Variants in SHBG observed in about 807,000 individuals in gnomAD.
The protein encoded by SHBG is sex hormone binding globulin.
A neutral mutation model predicts 41.9 loss-of-function variants in SHBG; 37 were observed. The observed-to-expected ratio is 0.88, with a 90% confidence interval of 0.68 to 1.16. The LOEUF (loss-of-function observed/expected upper bound fraction) is 1.16. Ranked by LOEUF, SHBG falls within the 50% of genes most tolerant of loss-of-function variation. The probability of loss-of-function intolerance (pLI) is 0.00; values close to 1 mark genes in which losing one functional copy is unlikely to be tolerated. For missense variants in SHBG, 466 were observed against 499.9 expected (o/e 0.93, Z 0.65); for synonymous variants, 217 against 205.8 (o/e 1.05, Z -0.47).
At chr17:7,625,432 C>G (rs1414681635), upstream of SHBG, among the ~76,000 whole-genome samples, 1 of 151,370 alleles carries the variant, frequency 6.6e-6, no homozygotes, top group Non-Finnish European at 1.5e-5. Context: ...AAAAACTTAG[C>G]CGGGCGTGGT....
intron 1 of SHBG, among the ~76,000 whole-genome samples, chr17:7,622,780 A>C (rs2072121359): frequency 6.6e-6 from 1 of 151,310 alleles, no homozygotes; most frequent in South Asian, 2.1e-4. Context: ...CTGTAATCCC[A>C]GTACTTTGGG....
rs373309447 is a variant in SHBG, at chr17:7,632,850, G to A, written c.951G>A (p.Leu317=). Residue 317 remains leucine, a synonymous_variant, in exon 7 of 8, where the codon TTG becomes TTA. Transcript: ENST00000380450. ...AGCTGAGTATGTCCAGGGTGGTCTT[G>A]AGCCAAGGGTCGAAGATGAAGGCCC... is the stretch of plus-strand genomic sequence containing the variant. The part of the protein sequence containing the change: ...QLKLSMSRVV[L]SQGSKMKALA... The A allele has an allele frequency of 2.5e-6, 4 of 1,614,168 alleles. No individual in the cohort carries two copies. The highest frequency in any genetic ancestry group is 8.5e-7 in the Non-Finnish European group (1 of 1,180,026).
chr17:7,631,318 C>T lies in SHBG; in HGVS notation c.512C>T (p.Ala171Val), dbSNP rs751519873. 2.7e-5 allele frequency: 43 copies of T among 1,613,656 alleles called. No individual in the cohort carries two copies. The highest frequency in any genetic ancestry group is 3.3e-5 in the Non-Finnish European group (39 of 1,179,886). ...AAACGCCATCCCATCATGAGGATTG[C>T]GCTTGGGGGGCTGCTCTTCCCCGCT... Reference protein sequence around the residue: ...TSKRHPIMRIALGGLLFPASN... With the variant: ...TSKRHPIMRIVLGGLLFPASN... The change falls in exon 4 of 8, where the codon GCG becomes GTG. Residue 171 changes from alanine (A) to valine (V), a missense_variant. Transcript: ENST00000380450.
At chr17:7,614,680 G>A in intron 1 of SHBG, 1 of 359,220 alleles carries the variant, frequency 2.8e-6, no homozygotes, top group Non-Finnish European at 4.8e-6. Flanking sequence ...CGGCGGCCCT[G>A]CCACAGCCAA....
At chr17:7,621,186 G>A (rs67603370) in intron 1 of SHBG, among the ~76,000 whole-genome samples, 10,219 of 133,000 alleles carry the variant, frequency 0.077, 1,594 homozygotes, top group Non-Finnish European at 0.1. Flanking sequence ...CCAAGGTTGT[G>A]GATTTGATCG....
intron 1 of SHBG, among the ~76,000 whole-genome samples, chr17:7,615,212 C>T (rs1336267035): frequency 1.3e-5 from 2 of 151,972 alleles, no homozygotes; most frequent in African/African-American, 4.8e-5. Context: ...AGTCACACAG[C>T]GCTCAGGCCA....
At chr17:7,628,524 G>A (rs2150964804), upstream of SHBG, among the ~76,000 whole-genome samples, 1 of 151,820 alleles carries the variant, frequency 6.6e-6, no homozygotes, top group South Asian at 2.1e-4. Context: ...TCGGCTCACT[G>A]CAACCTCTCC....
intron 4 of SHBG, 44 bp from the exon 5 acceptor site, chr17:7,631,545 C>T: frequency 6.2e-7 from 1 of 1,610,408 alleles, no homozygotes; most frequent in East Asian, 2.2e-5. Flanking sequence ...GGCTCCGATG[C>T]CCTGATTTCT....
At chr17:7,625,210 A>C (rs1032828120), upstream of SHBG, among the ~76,000 whole-genome samples, 4 of 151,724 alleles carry the variant, frequency 2.6e-5, no homozygotes, top group Admixed American at 2.6e-4. Context: ...CGGCCTCCCA[A>C]ACTGCTGGGA....
upstream of SHBG, chr17:7,628,081 T>C (rs1456847882): frequency 8.6e-6 from 4 of 465,828 alleles, no homozygotes; most frequent in Non-Finnish European, 1.3e-5. Context: ...TCCCCCGCAG[T>C]GCTTTTTAAA....
chr17:7,615,109 C>T (rs976382750), intron 1 of SHBG, among the ~76,000 whole-genome samples: 2 of 152,130 alleles, frequency 1.3e-5, no homozygotes, highest in African/African-American at 4.8e-5. Context: ...GCCACCCCGT[C>T]TCTTCCTTTC....
chr17:7,617,973 C>T (rs951291413), intron 1 of SHBG, among the ~76,000 whole-genome samples: 3 of 152,114 alleles, frequency 2.0e-5, no homozygotes, highest in Non-Finnish European at 4.4e-5. Flanking sequence ...AATCCCAGCA[C>T]TTTGGGATGC....
At chr17:7,614,866 C>A (rs1597887196) in intron 1 of SHBG, 2 of 159,142 alleles carry the variant, frequency 1.3e-5, no homozygotes, top group Admixed American at 1.3e-4. Flanking sequence ...GCTCCACAGC[C>A]TCCACCTCCC....
Position 7,633,202 on chromosome 17 carries a change from A to C in SHBG, c.1061-2A>C. The C allele has an allele frequency of 6.2e-7, 1 of 1,614,166 alleles. No individual in the cohort carries two copies. Among genetic ancestry groups the C allele is most frequent in the Non-Finnish European group, 8.5e-7 (1 of 1,180,014 alleles). On this transcript the variant is annotated splice_acceptor_variant, in intron 7 of 7. Coordinates refer to ENST00000380450, the MANE Select transcript of SHBG (RefSeq NM_001040.5). LOFTEE classifies it high-confidence loss of function. ...TGCCACCTTTGCACTACCTCCCTCT[A>C]GGAGAAGACTCTTCCACCTCTTTTT...
At chr17:7,623,016 G>A (rs1344300037), upstream of SHBG, among the ~76,000 whole-genome samples, 9 of 147,844 alleles carry the variant, frequency 6.1e-5, no homozygotes, top group African/African-American at 1.0e-4. Context: ...CAGCCTAGGC[G>A]AAAGAGCGAG....
chr17:7,615,452 C>T (rs988098179), intron 1 of SHBG, among the ~76,000 whole-genome samples: 3 of 152,252 alleles, frequency 2.0e-5, no homozygotes, highest in Non-Finnish European at 2.9e-5. Flanking sequence ...ATCTGTAACT[C>T]TCTACTGTAG....
chr17:7,630,984 A>G lies in SHBG; in HGVS notation c.393+115A>G. On this transcript the variant is annotated intron_variant, in intron 3 of 7. Transcript: ENST00000380450. This position sits in a 1 kb window ranked among gnomAD's most constrained non-coding sequence, Gnocchi z 4.6. ...CTGTCATCTCGTTTAATCCACACGA[A>G]CCCCCACAAAGTAGCTATTCTTGGC... is the stretch of plus-strand genomic sequence containing the variant. 1.9e-6 allele frequency: 2 copies of G among 1,049,852 alleles called. No individual in the cohort carries two copies. Among genetic ancestry groups the G allele is most frequent in the Non-Finnish European group, 2.8e-6 (2 of 705,418 alleles). 65.0% of individuals were successfully genotyped at this position (1,049,852 alleles called of 1,614,324 possible). A position where few individuals can be genotyped will look rare whatever the true frequency, so the allele number is the denominator to read the frequency against.
Position 7,630,319 on chromosome 17 carries a change from T to G in SHBG, c.111+36T>G, listed in dbSNP as rs376913014. 31 of 1,588,830 alleles carry G rather than the reference T, an allele frequency of 2.0e-5. No individual in the cohort carries two copies. In the South Asian group the frequency reaches 2.5e-4, roughly 13 times the overall value. On this transcript the variant is annotated intron_variant, in intron 1 of 7. Coordinates refer to ENST00000380450, the MANE Select transcript of SHBG (RefSeq NM_001040.5). This position sits in a 1 kb window ranked among gnomAD's most constrained non-coding sequence, Gnocchi z 4.6. ...GGGACAGGGCACTCAGCTCATGCAG[T>G]CTTCCCTTCTCTCCTCTGGCCCTGT...
rs531874178 is a variant in SHBG, at chr17:7,615,523, G to A, written c.-62+1412G>A. On this transcript the variant is annotated intron_variant, in intron 1 of 5. Transcript: ENST00000570547. ...TTGTGATACAATGAAAGTTTTGGCCGGGCGCGGTGGCTCACGCCTGTAATC... is the reference window on the plus strand; with the variant it reads ...TTGTGATACAATGAAAGTTTTGGCCAGGCGCGGTGGCTCACGCCTGTAATC... 8.9e-4 allele frequency among the ~76,000 whole-genome samples: 135 copies of A among 152,228 alleles called. 1 individual carries two copies. The highest frequency in any genetic ancestry group is 3.4e-3 in the Middle Eastern group (1 of 294).
Sources: allele counts gnomAD v4.1 joint callset (sites outside exome capture counted in the v4.1 genomes callset), GRCh38; gene constraint gnomAD v4.1.1; non-coding constraint Gnocchi (gnomAD v3.1); transcripts MANE v1.5; gene names NCBI Gene and HGNC (gene_info 2026-07-23, HGNC 2026-07-21).